The following TP73 variants were observed in gnomAD, a reference collection of about 807,000 sequenced individuals.
TP73 encodes tumor protein p73, also known as p53-like transcription factor.
A neutral mutation model predicts 62.5 loss-of-function variants in TP73; 25 were observed. That is an observed-to-expected ratio of 0.40 (90% CI 0.29 to 0.56). TP73 has a LOEUF of 0.56. Ranked by LOEUF, TP73 falls within the 20% of genes least tolerant of loss-of-function variation. The pLI is 0.46. For missense variants in TP73, 754 were observed against 913.3 expected (o/e 0.83, Z 2.25); for synonymous variants, 423 against 377.5 (o/e 1.12, Z -1.40).
chr1:3,704,273 G>A (rs750428248), intron 3 of TP73, among the ~76,000 whole-genome samples: 11 of 152,204 alleles, frequency 7.2e-5, no homozygotes, highest in Middle Eastern at 3.2e-3. Flanking sequence ...AACTGTGATC[G>A]TTTCAGCCTG....
At position 3,656,362 on chromosome 1, in the gene TP73, G is replaced by C. The variant is rs1306707452; in HGVS notation, c.-34+3721G>C. Among the ~76,000 whole-genome samples the C allele has an allele frequency of 2.6e-5, 4 of 152,154 alleles. No homozygotes were observed. The South Asian group carries it at 8.3e-4, about 32-fold the overall frequency. ...TCATCCAAAGTGCTTTCTTTTCCTGGACAAGTTGCACATCACAGACCCAAA... is the reference window on the plus strand; with the variant it reads ...TCATCCAAAGTGCTTTCTTTTCCTGCACAAGTTGCACATCACAGACCCAAA... On this transcript the variant is annotated intron_variant, in intron 1 of 13. Coordinates refer to ENST00000378295, the MANE Select transcript of TP73 (RefSeq NM_005427.4).
intron 4 of TP73, among the ~76,000 whole-genome samples, chr1:3,711,042 G>A (rs1355416463): frequency 6.6e-6 from 1 of 152,212 alleles, no homozygotes; most frequent in African/African-American, 2.4e-5. Flanking sequence ...GGTGAGAGGG[G>A]TGGAGCTGGC....
intron 1 of TP73, among the ~76,000 whole-genome samples, chr1:3,675,872 T>G (rs3765703): frequency 0.42 from 63,094 of 151,880 alleles, 13,182 homozygotes; most frequent in Admixed American, 0.49. Flanking sequence ...AAATGTCTGG[T>G]CTCCCACCTC....
rs182046916 is a variant in TP73, at chr1:3,663,930, G to C, written c.-34+11289G>C. Among the ~76,000 whole-genome samples the C allele has an allele frequency of 1.1e-4, 17 of 152,284 alleles. No individual in the cohort carries two copies. The highest frequency in any genetic ancestry group is 4.1e-4 in the African/African-American group (17 of 41,562). ...CAGATGCCACCGTGCCAGGTTTTGG[G>C]GTAGTGGTATGTCTTGAGCCCAATC... On this transcript the variant is annotated intron_variant, in intron 1 of 13. Transcript: ENST00000378295. This position sits in a 1 kb window ranked among gnomAD's most constrained non-coding sequence, Gnocchi z 4.7.
intron 4 of TP73, among the ~76,000 whole-genome samples, chr1:3,711,020 G>A (rs796915256): frequency 1.3e-5 from 2 of 152,224 alleles, no homozygotes; most frequent in South Asian, 4.1e-4. Flanking sequence ...TTTGGTGAGA[G>A]GGACCCTGCA....
chr1:3,732,827 C>T lies in TP73; in HGVS notation c.1659C>T (p.Asp553=), dbSNP rs1642239884. The change falls in exon 14 of 14, where the codon GAC becomes GAT. Residue 553 remains aspartate, a synonymous_variant. Coordinates refer to ENST00000378295, the MANE Select transcript of TP73 (RefSeq NM_005427.4). ...RGLQDLKQGH[D]YSTAQQLLRS... ...TGCAGGACCTGAAGCAGGGCCACGACTACAGCACCGCGCAGCAGCTGCTCC... is the reference window on the plus strand; with the variant it reads ...TGCAGGACCTGAAGCAGGGCCACGATTACAGCACCGCGCAGCAGCTGCTCC... 1 of 1,611,670 alleles carries T rather than the reference C, an allele frequency of 6.2e-7. No individual in the cohort carries two copies. The highest frequency in any genetic ancestry group is 8.5e-7 in the Non-Finnish European group (1 of 1,179,326).
chr1:3,678,687 G>A (rs1645432519), intron 1 of TP73, among the ~76,000 whole-genome samples: 2 of 152,356 alleles, frequency 1.3e-5, no homozygotes, highest in Middle Eastern at 3.4e-3. Flanking sequence ...GCCCCGAGCA[G>A]TGGCAAGGCT....
At position 3,722,751 on chromosome 1, in the gene TP73, GCTGGGCACCTTTCTTCACCTGGCATGGGA is replaced by G. The variant is rs1330089415; in HGVS notation, c.616+555_617-564del. On this transcript the variant is annotated intron_variant, in intron 5 of 13. Coordinates refer to ENST00000378295, the MANE Select transcript of TP73 (RefSeq NM_005427.4). ...GGCACCTCTCTTCACCTGGCATGGGGCTGGGCACCTTTCTTCACCTGGCATGGGACTGGGCACCTCTCTGCATGTGACAC... is the reference window on the plus strand; with the variant it reads ...GGCACCTCTCTTCACCTGGCATGGGGCTGGGCACCTCTCTGCATGTGACAC... 4.6e-3 allele frequency among the ~76,000 whole-genome samples: 643 copies of G among 139,608 alleles called. 3 individuals carry two copies. Among genetic ancestry groups the G allele is most frequent in the African/African-American group, 0.018 (611 of 33,266 alleles). 91.6% of individuals were successfully genotyped at this position (139,608 alleles called of 152,430 possible).
At chr1:3,723,590 G>A (rs1570610982) in intron 6 of TP73, 121 bp downstream of exon 6, 3 of 731,934 alleles carry the variant, frequency 4.1e-6, no homozygotes, top group Non-Finnish European at 7.1e-6. Context: ...TGTCCTGTCG[G>A]CATCTGTCCA....
At chr1:3,653,752 G>A (rs903784456) in intron 1 of TP73, among the ~76,000 whole-genome samples, 20 of 152,228 alleles carry the variant, frequency 1.3e-4, no homozygotes, top group Non-Finnish European at 2.9e-5. Context: ...CTTACTGAGC[G>A]CTGAGCCACC....
At chr1:3,725,771 G>A (rs1467710015) in intron 6 of TP73, among the ~76,000 whole-genome samples, 3 of 106,192 alleles carry the variant, frequency 2.8e-5, no homozygotes, top group Non-Finnish European at 3.9e-5. Flanking sequence ...GGGGTGGGGG[G>A]GTGGATGGAT....
intron 3 of TP73, among the ~76,000 whole-genome samples, chr1:3,683,589 C>T (rs1645575329): frequency 6.6e-6 from 1 of 152,210 alleles, no homozygotes; most frequent in Non-Finnish European, 1.5e-5. Context: ...CTGCCTCGCT[C>T]AGTCTCTTGG....
intron 3 of TP73, among the ~76,000 whole-genome samples, chr1:3,698,745 G>A (rs1001400279): frequency 1.3e-5 from 2 of 152,094 alleles, no homozygotes; most frequent in Non-Finnish European, 2.9e-5. Flanking sequence ...GTGGAGGCCC[G>A]GGGGGCACCA....
At chr1:3,681,390 C>T (rs1645517178) in intron 1 of TP73, among the ~76,000 whole-genome samples, 1 of 152,208 alleles carries the variant, frequency 6.6e-6, no homozygotes, top group Non-Finnish European at 1.5e-5. Context: ...CCTCCCCCAG[C>T]TGTGCTCTGC....
At chr1:3,668,322 A>G (rs1645166260) in intron 1 of TP73, among the ~76,000 whole-genome samples, 1 of 152,150 alleles carries the variant, frequency 6.6e-6, no homozygotes, top group Non-Finnish European at 1.5e-5. Context: ...TCCGTGCAGC[A>G]CCTAGACACA....
chr1:3,706,164 CCA>C (rs1016251286), intron 3 of TP73, among the ~76,000 whole-genome samples: 2 of 152,142 alleles, frequency 1.3e-5, no homozygotes, highest in Non-Finnish European at 2.9e-5. Context: ...CCCTGCAATC[CCA>C]GTTCACGGTC....
At position 3,723,335 on chromosome 1, in the gene TP73, T is replaced by C. The variant is rs1257763746; in HGVS notation, c.617-19T>C. 3 of 1,605,812 alleles carry C rather than the reference T, an allele frequency of 1.9e-6. No homozygotes were observed. In the South Asian group the frequency reaches 3.3e-5, roughly 18 times the overall value. ...GGCACCTCTATGCACCTCTCTGAAG[T>C]GTCGACCCCTCCCGGCAGGACAGTC... is the stretch of plus-strand genomic sequence containing the variant. On this transcript the variant is annotated intron_variant, in intron 5 of 13. Transcript: ENST00000378295.
At chr1:3,713,248 G>A (rs957291598) in intron 4 of TP73, among the ~76,000 whole-genome samples, 12 of 152,220 alleles carry the variant, frequency 7.9e-5, no homozygotes, top group African/African-American at 1.2e-4. Context: ...GGAGTGCTCC[G>A]AGGCTGGCGA....
chr1:3,729,511 A>G, intron 10 of TP73, 63 bp downstream of exon 10: 2 of 1,607,716 alleles, frequency 1.2e-6, no homozygotes, highest in South Asian at 1.1e-5. Flanking sequence ...CCCCCAGGAG[A>G]AGGCCAGGAG....
Sources: allele counts gnomAD v4.1 joint callset (sites outside exome capture counted in the v4.1 genomes callset), GRCh38; gene constraint gnomAD v4.1.1; non-coding constraint Gnocchi (gnomAD v3.1); transcripts MANE v1.5; gene names NCBI Gene and HGNC (gene_info 2026-07-23, HGNC 2026-07-21).